Variants in IL31RA observed in about 807,000 individuals in gnomAD.
IL31RA encodes the protein interleukin 31 receptor A.
IL31RA carries 66 observed loss-of-function variants against 83.7 expected under a neutral mutation model. The observed-to-expected ratio is 0.79, with a 90% CI of 0.65 to 0.97. The LOEUF (loss-of-function observed/expected upper bound fraction) is 0.97. IL31RA is among the 50% of genes least tolerant of loss of function. IL31RA has a pLI of 0.00. For synonymous variants in IL31RA, 325 were observed against 329.0 expected, an observed-to-expected ratio of 0.99 and a Z score of 0.13; for missense variants, 798 against 919.4, an observed-to-expected ratio of 0.87 and a Z score of 1.71.
chr5:55,863,476 C>T (rs1580658437), intron 2 of IL31RA, among the ~76,000 whole-genome samples: 1 of 152,236 alleles, frequency 6.6e-6, no homozygotes, highest in African/African-American at 2.4e-5. Context: ...GTTTTCAAGG[C>T]GTGCAGTAAC....
chr5:55,845,560 C>A, the IL31RA span, among the ~76,000 whole-genome samples: 1 of 152,140 alleles, frequency 6.6e-6, no homozygotes, highest in Non-Finnish European at 1.5e-5. Context: ...CTATTTCCCC[C>A]ACGCTGTTCT....
chr5:55,854,671 C>T (rs980012360), intron 1 of IL31RA, among the ~76,000 whole-genome samples: 6 of 150,444 alleles, frequency 4.0e-5, no homozygotes, highest in South Asian at 4.2e-4. Flanking sequence ...CTTGAACCCG[C>T]GAGGCAGAGG....
chr5:55,906,720 A>T (rs1749182008), intron 9 of IL31RA, among the ~76,000 whole-genome samples: 1 of 152,186 alleles, frequency 6.6e-6, no homozygotes, highest in Admixed American at 6.5e-5. Context: ...CCTACGTAAG[A>T]TATGCGAGTG....
intron 13 of IL31RA, 61 bp downstream of exon 13, chr5:55,913,631 T>G: frequency 9.8e-7 from 1 of 1,025,296 alleles, no homozygotes; most frequent in Middle Eastern, 2.0e-4. Context: ...GTTGAAGTCA[T>G]CATAGGTGCT....
At chr5:55,901,645 C>T (rs963000146) in intron 8 of IL31RA, among the ~76,000 whole-genome samples, 10 of 150,258 alleles carry the variant, frequency 6.7e-5, no homozygotes, top group South Asian at 2.1e-4. Context: ...GATGGAGTTT[C>T]GCTCTTGTTG....
In IL31RA at chr5:55,883,059, C is replaced by G; in HGVS notation, c.470C>G (p.Pro157Arg). 2 of 1,613,972 alleles carry G rather than the reference C, an allele frequency of 1.2e-6. No individual in the cohort carries two copies. Among genetic ancestry groups the G allele is most frequent in the Non-Finnish European group, 8.5e-7 (1 of 1,179,960 alleles). ...RLENIAKTEP[P>R]KIFRVKPVLG... Reference sequence around the variant, plus strand: ...TTATTTTCAGCGAAAACTGAACCACCTAAGATTTTCCGTGTGAAACCAGTT... The same window carrying G: ...TTATTTTCAGCGAAAACTGAACCACGTAAGATTTTCCGTGTGAAACCAGTT... Residue 157 changes from proline (P) to arginine (R), a missense_variant, in exon 5 of 15, where the codon CCT becomes CGT. Coordinates refer to ENST00000652347, the MANE Select transcript of IL31RA (RefSeq NM_139017.7).
intron 6 of IL31RA, among the ~76,000 whole-genome samples, chr5:55,895,197 C>A (rs1341075133): frequency 2.0e-5 from 3 of 152,226 alleles, no homozygotes; most frequent in Non-Finnish European, 4.4e-5. Flanking sequence ...GCAACTACTG[C>A]AGCTTTGACT....
At chr5:55,842,582 A>G in the IL31RA span, among the ~76,000 whole-genome samples, 1 of 152,234 alleles carries the variant, frequency 6.6e-6, no homozygotes. Flanking sequence ...TCAGGGACTC[A>G]CATCCCTTAG....
At chr5:55,899,396 C>T (rs1268156721) in intron 7 of IL31RA, among the ~76,000 whole-genome samples, 1 of 152,198 alleles carries the variant, frequency 6.6e-6, no homozygotes, top group Non-Finnish European at 1.5e-5. Flanking sequence ...TTGGGACTGG[C>T]AGTGCGGCCC....
At chr5:55,853,404 C>T in intron 1 of IL31RA, 1 of 1,409,234 alleles carries the variant, frequency 7.1e-7, no homozygotes, top group Non-Finnish European at 9.3e-7. Context: ...ACAAGAAAAG[C>T]TCGCAGACAA....
chr5:55,867,757 C>T (rs543431481), intron 2 of IL31RA, among the ~76,000 whole-genome samples: 14 of 152,082 alleles, frequency 9.2e-5, no homozygotes, highest in Non-Finnish European at 1.9e-4. Flanking sequence ...AGGCAAAAGG[C>T]ACTTCCTACA....
Position 55,851,454 on chromosome 5 carries a change from C to CA in IL31RA, c.-108dup, listed in dbSNP as rs139199403. ...ATCACTCATAAAAGGCAAAAAATTG[C>CA]AAAAAAAAATAGTAATAACCAGCAT... On this transcript the variant is annotated 5_prime_UTR_variant, in exon 1 of 15. Transcript: ENST00000652347. 5,438 of 1,554,140 alleles carry CA rather than the reference C, an allele frequency of 3.5e-3. 122 individuals are homozygous for CA. In the African/African-American group the frequency reaches 0.059, roughly 17 times the overall value.
intron 14 of IL31RA, 146 bp downstream of exon 14, chr5:55,915,074 A>T (rs1332409811): frequency 1.5e-5 from 11 of 713,102 alleles, no homozygotes; most frequent in Non-Finnish European, 2.8e-5. Context: ...AATGGCAGGC[A>T]GGGCAGATGG....
Position 55,907,355 on chromosome 5 carries a change from A to G in IL31RA, c.1253-4A>G, listed in dbSNP as rs1447977237. Reference sequence around the variant, plus strand: ...TTACACTTTTTTTTCTTTCTTTTTCACAGATAAATTAAAACCTTTCTGGTG... The same window carrying G: ...TTACACTTTTTTTTCTTTCTTTTTCGCAGATAAATTAAAACCTTTCTGGTG... On this transcript the variant is annotated splice_region_variant and splice_polypyrimidine_tract_variant and intron_variant, in intron 9 of 14. Transcript: ENST00000652347. 3.8e-6 allele frequency: 6 copies of G among 1,599,614 alleles called. No homozygotes were observed. The highest frequency in any genetic ancestry group is 5.1e-6 in the Non-Finnish European group (6 of 1,166,944).
In IL31RA at chr5:55,869,694, G is replaced by A. The variant is rs147017833; in HGVS notation, c.272+786G>A. 6.8e-3 allele frequency among the ~76,000 whole-genome samples: 1,027 copies of A among 152,130 alleles called. 11 individuals carry two copies. The highest frequency in any genetic ancestry group is 0.01 in the Middle Eastern group (3 of 294). On this transcript the variant is annotated intron_variant, in intron 3 of 14. Transcript: ENST00000652347. ...TCACCATGTTGGCCAGGCTGGTCTC[G>A]AACTCCGGACTTCAAGTGATCCGCC...
At chr5:55,883,631 C>T (rs555265051) in intron 5 of IL31RA, among the ~76,000 whole-genome samples, 10 of 152,278 alleles carry the variant, frequency 6.6e-5, no homozygotes, top group South Asian at 2.1e-4. Flanking sequence ...GAAACCACTG[C>T]GGCCAAGAAT....
chr5:55,879,196 C>G (rs1747036052), intron 4 of IL31RA, among the ~76,000 whole-genome samples: 1 of 152,006 alleles, frequency 6.6e-6, no homozygotes, highest in South Asian at 2.1e-4. Flanking sequence ...TAAGTGTGCT[C>G]TGTTCTCTTT....
chr5:55,866,438 T>G (rs2112341389), intron 2 of IL31RA, among the ~76,000 whole-genome samples: 1 of 152,106 alleles, frequency 6.6e-6, no homozygotes, highest in African/African-American at 2.4e-5. Flanking sequence ...ATTAGTTAGA[T>G]TCTCATAAGG....
chr5:55,889,040 A>G (rs1180998033), intron 5 of IL31RA, among the ~76,000 whole-genome samples: 1 of 152,242 alleles, frequency 6.6e-6, no homozygotes, highest in African/African-American at 2.4e-5. Flanking sequence ...TTAAATAGAC[A>G]TGCCTATTAG....
Sources: allele counts gnomAD v4.1 joint callset (sites outside exome capture counted in the v4.1 genomes callset), GRCh38; gene constraint gnomAD v4.1.1; transcripts MANE v1.5; gene names NCBI Gene and HGNC (gene_info 2026-07-23, HGNC 2026-07-21).